The following KCTD3 variants were observed in gnomAD, a reference collection of about 807,000 sequenced individuals.
The protein encoded by KCTD3 is BTB/POZ domain-containing protein KCTD3.
Under a neutral mutation model 85.8 loss-of-function variants are expected in KCTD3, and 41 were observed. That is an observed-to-expected ratio of 0.48 (90% CI 0.37 to 0.62). KCTD3 has a LOEUF of 0.62. Among genes scored for constraint, KCTD3 ranks in the 20% least tolerant of loss-of-function variants. The pLI, the probability that KCTD3 is intolerant of heterozygous loss-of-function variation, is 0.00. For missense variants in KCTD3, 724 were observed against 989.9 expected (o/e 0.73, Z 3.60); for synonymous variants, 338 against 345.4 (o/e 0.98, Z 0.24).
At position 215,583,353 on chromosome 1, in the gene KCTD3, T is replaced by A. The variant is rs376456717; in HGVS notation, c.627-3142T>A. ...ACCATATAGGGTAACTTCCAGACATTAGATGTCATTTGTAAACTATCATGG... is the reference window on the plus strand; with the variant it reads ...ACCATATAGGGTAACTTCCAGACATAAGATGTCATTTGTAAACTATCATGG... On this transcript the variant is annotated intron_variant, in intron 8 of 17. Coordinates refer to ENST00000259154, the MANE Select transcript of KCTD3 (RefSeq NM_016121.5). 1.8e-3 allele frequency among the ~76,000 whole-genome samples: 275 copies of A among 152,284 alleles called. 3 individuals are homozygous for A. The highest frequency in any genetic ancestry group is 6.1e-3 in the African/African-American group (255 of 41,542).
chr1:215,604,772 T>C (rs1051665030), intron 13 of KCTD3, among the ~76,000 whole-genome samples: 2 of 151,854 alleles, frequency 1.3e-5, no homozygotes, highest in African/African-American at 4.8e-5. Flanking sequence ...ATAAATTGGG[T>C]TGATTATATT....
intron 2 of KCTD3, 71 bp from the exon 3 acceptor site, chr1:215,574,002 T>G: frequency 7.6e-6 from 9 of 1,176,544 alleles, no homozygotes; most frequent in Non-Finnish European, 9.9e-6. Context: ...CTTTAACATT[T>G]GGTAAAGAAT....
chr1:215,588,846 A>G (rs1660113909), intron 9 of KCTD3, among the ~76,000 whole-genome samples: 1 of 152,164 alleles, frequency 6.6e-6, no homozygotes, highest in South Asian at 2.1e-4. Context: ...CAAGAGATTG[A>G]CTCTCTGCCA....
At chr1:215,619,986 G>A in intron 17 of KCTD3, 71 bp from the exon 18 acceptor site, 1 of 1,144,056 alleles carries the variant, frequency 8.7e-7, no homozygotes, top group Non-Finnish European at 1.2e-6. Context: ...TTTATTGGTT[G>A]TATAATTAAT....
chr1:215,573,840 G>A lies in KCTD3; in HGVS notation c.137+1G>A. Reference sequence around the variant, plus strand: ...GGATTCCAGATTCTTTTTTTTCCAGGTATGTCTTATAATTCTTTAGTGTAT... The same window carrying A: ...GGATTCCAGATTCTTTTTTTTCCAGATATGTCTTATAATTCTTTAGTGTAT... On this transcript the variant is annotated splice_donor_variant, in intron 2 of 17. Transcript: ENST00000259154. LOFTEE classifies it high-confidence loss of function. 1 of 1,528,064 alleles carries A rather than the reference G, an allele frequency of 6.5e-7. No individual in the cohort carries two copies. The highest frequency in any genetic ancestry group is 9.0e-7 in the Non-Finnish European group (1 of 1,109,364). The allele number at this position is 1,528,064 out of a possible 1,614,324, so 94.7% of individuals were successfully genotyped here. A position where few individuals can be genotyped will look rare whatever the true frequency, so the allele number is the denominator to read the frequency against.
chr1:215,617,194 CT>C (rs1285389366), intron 15 of KCTD3, among the ~76,000 whole-genome samples: 4 of 152,224 alleles, frequency 2.6e-5, no homozygotes, highest in Non-Finnish European at 5.9e-5. Flanking sequence ...TATTGTTCAT[CT>C]GTATTCTTTG....
At position 215,620,644 on chromosome 1, in the gene KCTD3, T is replaced by G; in HGVS notation, c.*26T>G. Reference sequence around the variant, plus strand: ...AAACTCACCAAAATGAATAGTTGTTTCGTTACATTTAGATGAAAGTTAAAC... The same window carrying G: ...AAACTCACCAAAATGAATAGTTGTTGCGTTACATTTAGATGAAAGTTAAAC... On this transcript the variant is annotated 3_prime_UTR_variant, in exon 18 of 18. Coordinates refer to ENST00000259154, the MANE Select transcript of KCTD3 (RefSeq NM_016121.5). 2 of 1,462,964 alleles carry G rather than the reference T, an allele frequency of 1.4e-6. No homozygotes were observed. Among genetic ancestry groups the G allele is most frequent in the Non-Finnish European group, 1.9e-6 (2 of 1,078,150 alleles). 90.6% of individuals were successfully genotyped at this position (1,462,964 alleles called of 1,614,324 possible). A position where few individuals can be genotyped will look rare whatever the true frequency, so the allele number is the denominator to read the frequency against.
intron 9 of KCTD3, among the ~76,000 whole-genome samples, chr1:215,588,233 A>T (rs2102572431): frequency 6.6e-6 from 1 of 152,228 alleles, no homozygotes; most frequent in East Asian, 1.9e-4. Flanking sequence ...TCTTTGCTCC[A>T]GCATTTGTGA....
intron 1 of KCTD3, among the ~76,000 whole-genome samples, chr1:215,573,565 G>A (rs999276006): frequency 6.6e-6 from 1 of 152,004 alleles, no homozygotes; most frequent in Non-Finnish European, 1.5e-5. Flanking sequence ...ATTATATGGC[G>A]GATAACAAGT....
intron 1 of KCTD3, among the ~76,000 whole-genome samples, chr1:215,568,965 C>T (rs891231915): frequency 1.3e-5 from 2 of 151,848 alleles, no homozygotes; most frequent in East Asian, 1.9e-4. Flanking sequence ...CCTAAAATCA[C>T]GTTAAAATAT....
At chr1:215,592,175 A>G (rs990255776) in intron 9 of KCTD3, among the ~76,000 whole-genome samples, 1 of 152,224 alleles carries the variant, frequency 6.6e-6, no homozygotes, top group Admixed American at 6.5e-5. Context: ...AGGAGCTACA[A>G]GATGAGATTT....
intron 14 of KCTD3, among the ~76,000 whole-genome samples, chr1:215,609,665 T>C (rs1187569075): frequency 1.3e-5 from 2 of 151,942 alleles, no homozygotes; most frequent in Non-Finnish European, 2.9e-5. Flanking sequence ...TGACTAGATG[T>C]GGCAGGCATG....
chr1:215,569,204 C>G (rs1344800840), intron 1 of KCTD3, among the ~76,000 whole-genome samples: 1 of 151,388 alleles, frequency 6.6e-6, no homozygotes, highest in African/African-American at 2.4e-5. Flanking sequence ...TCACTGCAGC[C>G]TCTGCCTCCC....
intron 7 of KCTD3, 37 bp from the exon 8 acceptor site, chr1:215,579,872 T>G (rs1571875372): frequency 4.7e-6 from 7 of 1,481,792 alleles, no homozygotes; most frequent in African/African-American, 2.8e-5. Flanking sequence ...AACCCCCGGT[T>G]TAGAATGTAA....
intron 14 of KCTD3, 123 bp downstream of exon 14, chr1:215,608,295 C>A: frequency 1.7e-6 from 1 of 601,018 alleles, no homozygotes; most frequent in Non-Finnish European, 2.7e-6. Context: ...TTTTGAAATT[C>A]TAAACAGAAT....
chr1:215,616,316 TATG>T lies in KCTD3; in HGVS notation c.1563-2567_1563-2565del, dbSNP rs376854435. On this transcript the variant is annotated intron_variant, in intron 15 of 17. Transcript: ENST00000259154. ...TAAAAATAAATGTAATTCACTAAAT[TATG>T]ATCATCTTGATAAATACAGGAATAA... is the stretch of plus-strand genomic sequence containing the variant. Among the ~76,000 whole-genome samples the T allele has an allele frequency of 3.1e-4, 47 of 152,270 alleles. No homozygotes were observed. In the South Asian group the frequency reaches 9.3e-3, roughly 30 times the overall value.
chr1:215,596,815 T>C (rs1024930773), intron 10 of KCTD3, among the ~76,000 whole-genome samples: 2 of 152,102 alleles, frequency 1.3e-5, no homozygotes. Flanking sequence ...TGAGCACACT[T>C]GTAGCTAGAG....
chr1:215,572,567 G>A (rs184527655), intron 1 of KCTD3, among the ~76,000 whole-genome samples: 216 of 152,284 alleles, frequency 1.4e-3, no homozygotes, highest in African/African-American at 4.8e-3. Context: ...GGAATGGGAA[G>A]TAGGATGTAT....
chr1:215,618,685 C>T (rs970113678), intron 15 of KCTD3: 1 of 488,236 alleles, frequency 2.0e-6, no homozygotes, highest in Non-Finnish European at 3.6e-6. Flanking sequence ...ATGATGGATA[C>T]AATATGGGCC....
Sources: gnomAD v4.1 joint callset for allele counts (sites outside exome capture counted in the v4.1 genomes callset) on GRCh38, gnomAD v4.1.1 for gene constraint, MANE v1.5 for transcripts, NCBI Gene and HGNC (gene_info 2026-07-23, HGNC 2026-07-21) for gene names.